The following PTPRM variants were observed in gnomAD, a reference collection of about 807,000 sequenced individuals.
The protein encoded by PTPRM is receptor-type tyrosine-protein phosphatase mu.
A neutral mutation model predicts 186.7 loss-of-function variants in PTPRM; 47 were observed. The ratio of observed to expected loss-of-function variants is 0.25; its 90% CI spans 0.20 to 0.32. The LOEUF (loss-of-function observed/expected upper bound fraction) is 0.32. PTPRM is among the 10% of genes least tolerant of loss of function. PTPRM has a pLI of 1.00. For synonymous variants in PTPRM, 668 were observed against 674.9 expected (o/e 0.99, Z 0.16); for missense variants, 1,494 against 1,865.0 (o/e 0.80, Z 3.66).
intron 20 of PTPRM, among the ~76,000 whole-genome samples, chr18:8,310,710 T>C (rs918793461): frequency 6.6e-6 from 1 of 152,140 alleles, no homozygotes; most frequent in African/African-American, 2.4e-5. Flanking sequence ...ATTTAAGTCA[T>C]TATTTAAGCA....
chr18:7,994,771 CA>C (rs2083447914), intron 7 of PTPRM, among the ~76,000 whole-genome samples: 1 of 151,808 alleles, frequency 6.6e-6, no homozygotes, highest in African/African-American at 2.4e-5. Context: ...AAAATGGAAA[CA>C]AATGAAAATG....
intron 1 of PTPRM, among the ~76,000 whole-genome samples, chr18:7,756,712 A>G (rs1414041857): frequency 2.0e-5 from 3 of 152,226 alleles, no homozygotes; most frequent in Non-Finnish European, 4.4e-5. Context: ...TACAATAAGG[A>G]AAATGTGCCT....
chr18:8,222,516 A>G (rs1031510692), intron 14 of PTPRM, among the ~76,000 whole-genome samples: 3 of 152,208 alleles, frequency 2.0e-5, no homozygotes, highest in African/African-American at 7.2e-5. Context: ...CTGACAGAGT[A>G]TGGGGGCTGG....
At chr18:8,157,502 A>G (rs1289245632) in intron 14 of PTPRM, among the ~76,000 whole-genome samples, 1 of 152,198 alleles carries the variant, frequency 6.6e-6, no homozygotes, top group African/African-American at 2.4e-5. Context: ...GTCTTTAATT[A>G]TGAAGCTAGC....
At chr18:8,076,430 T>C (rs2089820789) in intron 8 of PTPRM, 25 bp from the exon 9 acceptor site, 2 of 1,344,442 alleles carry the variant, frequency 1.5e-6, no homozygotes, top group African/African-American at 1.4e-5. Flanking sequence ...TACTTAAACA[T>C]TTATTTCCTC....
At chr18:8,399,010 C>T (rs975579244) in intron 32 of PTPRM, among the ~76,000 whole-genome samples, 1 of 152,174 alleles carries the variant, frequency 6.6e-6, no homozygotes, top group Non-Finnish European at 1.5e-5. Context: ...AACCACTGAA[C>T]TGTGTTAAAG....
At chr18:7,875,120 C>T (rs1477165004) in intron 2 of PTPRM, among the ~76,000 whole-genome samples, 1 of 151,924 alleles carries the variant, frequency 6.6e-6, no homozygotes, top group Non-Finnish European at 1.5e-5. Flanking sequence ...CACCTGAACC[C>T]AGGAGGCAGA....
intron 31 of PTPRM, among the ~76,000 whole-genome samples, chr18:8,389,426 A>G (rs1206603491): frequency 6.6e-6 from 1 of 152,234 alleles, no homozygotes; most frequent in East Asian, 1.9e-4. Flanking sequence ...CTAACCAGTG[A>G]CATTGCTGTT....
intron 13 of PTPRM, among the ~76,000 whole-genome samples, chr18:8,135,428 T>G (rs2092615685): frequency 6.6e-6 from 1 of 152,192 alleles, no homozygotes; most frequent in African/African-American, 2.4e-5. Context: ...TTCTCCATGT[T>G]GTGTAGGGAA....
chr18:8,099,582 A>T (rs1424692600), intron 11 of PTPRM, among the ~76,000 whole-genome samples: 160 of 152,256 alleles, frequency 1.1e-3, no homozygotes, highest in African/African-American at 3.8e-3. Flanking sequence ...TCCGGATGGA[A>T]AATTAACAGA....
intron 19 of PTPRM, among the ~76,000 whole-genome samples, chr18:8,295,972 G>A (rs2095092819): frequency 6.6e-6 from 1 of 152,102 alleles, no homozygotes; most frequent in Non-Finnish European, 1.5e-5. Flanking sequence ...AGCAATTAGG[G>A]AGAAAAAGAC....
chr18:8,350,918 A>G (rs1182015554), intron 23 of PTPRM, among the ~76,000 whole-genome samples: 1 of 53,962 alleles, frequency 1.9e-5, no homozygotes, highest in African/African-American at 3.9e-5. Flanking sequence ...GGAATGCTCT[A>G]GGTCTACACA....
intron 1 of PTPRM, among the ~76,000 whole-genome samples, chr18:7,584,033 C>A (rs370362308): frequency 6.6e-6 from 1 of 152,118 alleles, no homozygotes; most frequent in African/African-American, 2.4e-5. Flanking sequence ...TGAGTAAATT[C>A]TTACTTTATC....
chr18:8,394,552 G>T lies in PTPRM; in HGVS notation c.4285G>T (p.Asp1429Tyr). ...CEMLRHQRTV[D>Y]VFHAVKTLRN... ...GATGCTCCGGCACCAGAGAACCGTG[G>T]ATGTCTTTCACGCTGTGAAGACACT... Residue 1429 changes from aspartate to tyrosine, a missense_variant, in exon 32 of 33, where the codon GAT becomes TAT. Around this residue, in one of 3 missense-constraint regions of PTPRM, gnomAD observed 1,107 missense variants for 1,350.2 expected, o/e 0.82. Coordinates refer to ENST00000580170, the MANE Select transcript of PTPRM (RefSeq NM_001105244.2). 1 of 1,613,828 alleles carries T rather than the reference G, an allele frequency of 6.2e-7. No homozygotes were observed. Among genetic ancestry groups the T allele is most frequent in the Non-Finnish European group, 8.5e-7 (1 of 1,179,894 alleles).
intron 1 of PTPRM, among the ~76,000 whole-genome samples, chr18:7,751,828 CTG>C (rs1339899661): frequency 6.6e-6 from 1 of 151,278 alleles, no homozygotes; most frequent in African/African-American, 2.5e-5. Context: ...GATTCTTCCT[CTG>C]TGAAAATTTT....
chr18:8,377,856 G>C (rs891906574), intron 26 of PTPRM: 1 of 156,284 alleles, frequency 6.4e-6, no homozygotes, highest in Non-Finnish European at 1.4e-5. Flanking sequence ...TTTATGTTTT[G>C]AATTAAGAAC....
At chr18:7,709,201 T>C (rs1160289774) in intron 1 of PTPRM, among the ~76,000 whole-genome samples, 2 of 152,168 alleles carry the variant, frequency 1.3e-5, no homozygotes, top group African/African-American at 4.8e-5. Flanking sequence ...ATTGAAATCA[T>C]ATCAATTATC....
chr18:7,853,018 A>G (rs1358657092), intron 2 of PTPRM, among the ~76,000 whole-genome samples: 2 of 152,250 alleles, frequency 1.3e-5, no homozygotes, highest in African/African-American at 4.8e-5. Context: ...GGTTCAATAT[A>G]AACGGAAAAT....
intron 19 of PTPRM, among the ~76,000 whole-genome samples, chr18:8,287,143 C>T (rs2094965978): frequency 6.6e-6 from 1 of 151,950 alleles, no homozygotes; most frequent in African/African-American, 2.4e-5. Context: ...CCCCACCCAA[C>T]TTCCAAATAC....
Sources: allele counts gnomAD v4.1 joint callset (sites outside exome capture counted in the v4.1 genomes callset), GRCh38; gene constraint gnomAD v4.1.1; regional missense constraint gnomAD v4.1.1; transcripts MANE v1.5; gene names NCBI Gene and HGNC (gene_info 2026-07-23, HGNC 2026-07-21).